The following RBFOX3 variants were observed in gnomAD, a reference collection of about 807,000 sequenced individuals.
RBFOX3 encodes RNA binding protein fox-1 homolog 3.
In RBFOX3, 17 loss-of-function variants were observed where a neutral mutation model predicts 48.7. The observed-to-expected ratio is 0.35, with a 90% confidence interval of 0.24 to 0.52. The LOEUF (loss-of-function observed/expected upper bound fraction) is 0.52, where lower values mean the gene tolerates loss of function less well. RBFOX3 is among the 20% of genes least tolerant of loss of function. The pLI is 0.94. For missense variants in RBFOX3, 382 were observed against 497.5 expected (o/e 0.77, Z 2.21); for synonymous variants, 212 against 209.5 (o/e 1.01, Z -0.10).
intron 4 of RBFOX3, among the ~76,000 whole-genome samples, chr17:79,156,350 G>A (rs574876799): frequency 1.2e-4 from 18 of 152,212 alleles, no homozygotes; most frequent in East Asian, 3.9e-4. Flanking sequence ...CCAGCCTCCC[G>A]GGGCCTACAC....
intron 3 of RBFOX3, among the ~76,000 whole-genome samples, chr17:79,250,108 A>T (rs1185244323): frequency 2.0e-5 from 3 of 152,190 alleles, no homozygotes; most frequent in Non-Finnish European, 4.4e-5. Context: ...CGTCAGAAAG[A>T]CTATTACTGC....
chr17:79,259,583 G>A (rs2065408585), intron 3 of RBFOX3, among the ~76,000 whole-genome samples: 1 of 152,220 alleles, frequency 6.6e-6, no homozygotes. Flanking sequence ...GTGAGATGGC[G>A]TTGCCTGGGA....
intron 2 of RBFOX3, among the ~76,000 whole-genome samples, chr17:79,433,003 C>T (rs1220075729): frequency 6.6e-6 from 1 of 152,180 alleles, no homozygotes; most frequent in Non-Finnish European, 1.5e-5. Flanking sequence ...ATTAACTAGT[C>T]TCATTTTCTC....
chr17:79,262,687 C>T (rs967373510), intron 3 of RBFOX3, among the ~76,000 whole-genome samples: 8 of 152,172 alleles, frequency 5.3e-5, no homozygotes, highest in Non-Finnish European at 2.9e-5. Flanking sequence ...AGTGGAGCTA[C>T]GGATCTGTGG....
chr17:79,590,171 C>T (rs1035858721), intron 1 of RBFOX3, among the ~76,000 whole-genome samples: 5 of 152,218 alleles, frequency 3.3e-5, no homozygotes, highest in Admixed American at 1.3e-4. Flanking sequence ...CATCCCCATC[C>T]GTCCTATACC....
intron 3 of RBFOX3, among the ~76,000 whole-genome samples, chr17:79,297,109 C>T (rs74892894): frequency 0.084 from 12,716 of 151,874 alleles, 713 homozygotes; most frequent in East Asian, 0.29. Context: ...ATGCCCAAGG[C>T]CCACTACCTG....
At chr17:79,098,737 G>A (rs768991313) in intron 9 of RBFOX3, 2 of 152,366 alleles carry the variant, frequency 1.3e-5, no homozygotes, top group African/African-American at 4.8e-5. Flanking sequence ...GCTTCTTGAC[G>A]AGGCCCAGCC....
At chr17:79,177,515 G>A (rs1370929091) in intron 4 of RBFOX3, among the ~76,000 whole-genome samples, 3 of 152,140 alleles carry the variant, frequency 2.0e-5, no homozygotes, top group African/African-American at 4.8e-5. Context: ...CCGAATGGCC[G>A]TCAGCTTACC....
At chr17:79,593,105 G>A (rs2093469708) in intron 1 of RBFOX3, among the ~76,000 whole-genome samples, 1 of 152,140 alleles carries the variant, frequency 6.6e-6, no homozygotes, top group Admixed American at 6.5e-5. Flanking sequence ...CTGCTCCAGG[G>A]AGGGGTGCAG....
intron 3 of RBFOX3, among the ~76,000 whole-genome samples, chr17:79,247,168 G>A (rs2063289791): frequency 6.6e-6 from 1 of 152,132 alleles, no homozygotes; most frequent in Admixed American, 6.5e-5. Context: ...TGCTAGAATG[G>A]CTGGTCTGTG....
the RBFOX3 span, among the ~76,000 whole-genome samples, chr17:79,635,889 G>A: frequency 6.6e-6 from 1 of 152,100 alleles, no homozygotes; most frequent in Admixed American, 6.5e-5. Context: ...TGTCAAAGTG[G>A]CAAAAATATT....
chr17:79,519,968 C>G (rs2149977730), intron 1 of RBFOX3, among the ~76,000 whole-genome samples: 1 of 152,256 alleles, frequency 6.6e-6, no homozygotes, highest in African/African-American at 2.4e-5. Flanking sequence ...TAAGCTGTCA[C>G]CTCGAGGATG....
chr17:79,531,033 C>G (rs1265486261), intron 1 of RBFOX3, among the ~76,000 whole-genome samples: 1 of 152,340 alleles, frequency 6.6e-6, no homozygotes, highest in East Asian at 1.9e-4. Flanking sequence ...ACCCTAAGGT[C>G]GCTGGGGCTT....
chr17:79,168,699 G>A (rs146254075), intron 4 of RBFOX3, among the ~76,000 whole-genome samples: 285 of 152,348 alleles, frequency 1.9e-3, no homozygotes, highest in Non-Finnish European at 2.5e-3. Flanking sequence ...CCAGCCGCAC[G>A]GGGCTGCGGC....
Position 79,570,554 on chromosome 17 carries a change from G to A in RBFOX3, c.-320+40272C>T, listed in dbSNP as rs898621718. On this transcript the variant is annotated intron_variant, in intron 1 of 14. Transcript: ENST00000693108. ...AGCAGCAGTCTAAGAACTTCTGAGC[G>A]GGCCTGCCTTCATTTGTCTCAAACC... Among the ~76,000 whole-genome samples, 25 of 152,290 alleles carry A rather than the reference G, an allele frequency of 1.6e-4. 1 individual carries two copies. The highest frequency in any genetic ancestry group is 4.6e-4 in the Admixed American group (7 of 15,302).
rs561456143 is a variant in RBFOX3 at position 79,419,263 on chromosome 17, C to T, written c.-175+63191G>A. ...GATGCCTTTTCCCCGTGAGAGGCCTCTCCCCATGTTGGGGTGCCACCCACT... is the reference window on the plus strand; with the variant it reads ...GATGCCTTTTCCCCGTGAGAGGCCTTTCCCCATGTTGGGGTGCCACCCACT... On this transcript the variant is annotated intron_variant, in intron 2 of 14. Transcript: ENST00000693108. 2.8e-4 allele frequency among the ~76,000 whole-genome samples: 42 copies of T among 152,350 alleles called. No homozygotes were observed. The South Asian group carries it at 7.2e-3, about 26-fold the overall frequency.
intron 2 of RBFOX3, among the ~76,000 whole-genome samples, chr17:79,341,813 C>T (rs1402945411): frequency 6.6e-6 from 1 of 152,200 alleles, no homozygotes; most frequent in Non-Finnish European, 1.5e-5. Flanking sequence ...AACCATGTGC[C>T]CCTGCAAACC....
intron 1 of RBFOX3, among the ~76,000 whole-genome samples, chr17:79,607,306 G>A (rs2093854718): frequency 6.6e-6 from 1 of 152,048 alleles, no homozygotes; most frequent in South Asian, 2.1e-4. Context: ...TGCGTGTCAG[G>A]TTCCATTTGT....
chr17:79,246,239 G>A (rs1270550691), intron 3 of RBFOX3, among the ~76,000 whole-genome samples: 1 of 152,206 alleles, frequency 6.6e-6, no homozygotes, highest in Non-Finnish European at 1.5e-5. Flanking sequence ...CCTCCCTGAT[G>A]CCACAGGGGG....
Sources: gnomAD v4.1 joint callset for allele counts (sites outside exome capture counted in the v4.1 genomes callset) on GRCh38, gnomAD v4.1.1 for gene constraint, MANE v1.5 for transcripts, NCBI Gene and HGNC (gene_info 2026-07-23, HGNC 2026-07-21) for gene names.